The following ARMC9 variants were observed in gnomAD, a reference collection of about 807,000 sequenced individuals.
ARMC9 encodes armadillo repeat containing 9.
A neutral mutation model predicts 107.0 loss-of-function variants in ARMC9; 94 were observed. The ratio of observed to expected loss-of-function variants is 0.88; its 90% CI spans 0.74 to 1.04. The LOEUF (loss-of-function observed/expected upper bound fraction) is 1.04. Ranked by LOEUF, ARMC9 falls within the 50% of genes least tolerant of loss-of-function variation. ARMC9 has a pLI of 0.00. For synonymous variants in ARMC9, 380 were observed against 396.9 expected, an observed-to-expected ratio of 0.96 and a Z score of 0.51; for missense variants, 942 against 1,030.1, an observed-to-expected ratio of 0.91 and a Z score of 1.17.
chr2:231,324,189 G>T (rs2043169612), intron 19 of ARMC9, among the ~76,000 whole-genome samples: 1 of 136,810 alleles, frequency 7.3e-6, no homozygotes, highest in Non-Finnish European at 1.5e-5. Flanking sequence ...GTGCAGTGGT[G>T]CAATCTCGGC....
intron 9 of ARMC9, among the ~76,000 whole-genome samples, chr2:231,253,244 G>T (rs1456037602): frequency 6.6e-6 from 1 of 152,104 alleles, no homozygotes; most frequent in Non-Finnish European, 1.5e-5. Context: ...CTCCTGAGTA[G>T]CTGGGACTAC....
intron 19 of ARMC9, among the ~76,000 whole-genome samples, chr2:231,324,622 T>C (rs1211468253): frequency 6.6e-6 from 1 of 151,806 alleles, no homozygotes; most frequent in Non-Finnish European, 1.5e-5. Context: ...CGCCTGCCTA[T>C]AATCCCAGCT....
In ARMC9 at chr2:231,368,543, T is replaced by C. The variant is rs893866898; in HGVS notation, c.2262-1410T>C. ...CAGAGTGGTAACAGGAGCCTGTAAC[T>C]GTACCCACAAGTAAGCAACAATGTC... On this transcript the variant is annotated intron_variant, in intron 23 of 24. Transcript: ENST00000611582. Among the ~76,000 whole-genome samples, 7 of 152,340 alleles carry C rather than the reference T, an allele frequency of 4.6e-5. No homozygotes were observed. In the East Asian group the frequency reaches 1.3e-3, roughly 29 times the overall value.
intron 8 of ARMC9, among the ~76,000 whole-genome samples, chr2:231,239,323 A>G (rs2036065011): frequency 6.6e-6 from 1 of 152,212 alleles, no homozygotes. Context: ...ATGCTAAAGG[A>G]GAATGCAGGA....
intron 9 of ARMC9, among the ~76,000 whole-genome samples, chr2:231,248,806 CAAAAAAAAAAAAA>C (rs35234269): frequency 1.1e-4 from 4 of 38,026 alleles, no homozygotes; most frequent in Admixed American, 3.4e-4. Context: ...GGTTCTGTCT[CAAAAAAAAAAAAA>C]AAAAAAAAAA....
intron 3 of ARMC9, among the ~76,000 whole-genome samples, chr2:231,212,091 G>T (rs1213746745): frequency 6.6e-6 from 1 of 152,168 alleles, no homozygotes; most frequent in Non-Finnish European, 1.5e-5. Context: ...TCAAAAAATA[G>T]TGAGTTTCCC....
chr2:231,240,091 T>G (rs1361428671), intron 9 of ARMC9, 50 bp downstream of exon 9: 1 of 1,419,656 alleles, frequency 7.0e-7, no homozygotes, highest in Non-Finnish European at 9.8e-7. Flanking sequence ...CCCCCCAAAT[T>G]TAAAAAGAAT....
chr2:231,364,059 G>A (rs2045707681), intron 23 of ARMC9, among the ~76,000 whole-genome samples: 1 of 152,202 alleles, frequency 6.6e-6, no homozygotes, highest in Admixed American at 6.5e-5. Flanking sequence ...AGAAACAAAT[G>A]CATTTATCCT....
intron 7 of ARMC9, 140 bp downstream of exon 7, chr2:231,226,938 A>G (rs2034702485): frequency 1.1e-6 from 1 of 939,410 alleles, no homozygotes. Context: ...TTGCAGTCAT[A>G]GTGACCTGCA....
chr2:231,288,797 C>G (rs745316099), intron 17 of ARMC9: 3 of 460,240 alleles, frequency 6.5e-6, no homozygotes, highest in Non-Finnish European at 1.4e-5. Context: ...CCCTCTGCAC[C>G]TGTGCTGCAG....
intron 22 of ARMC9, 116 bp downstream of exon 22, chr2:231,356,050 A>C: frequency 1.3e-5 from 17 of 1,327,328 alleles, no homozygotes; most frequent in African/African-American, 1.5e-5. Context: ...CTCTGGTCTC[A>C]GCAACAGCCC....
At chr2:231,354,625 G>T (rs2045260706) in intron 21 of ARMC9, among the ~76,000 whole-genome samples, 1 of 152,090 alleles carries the variant, frequency 6.6e-6, no homozygotes, top group Admixed American at 6.6e-5. Flanking sequence ...CAAGTGATCT[G>T]CCCGCCTTGG....
chr2:231,254,159 T>TA (rs2037545378), intron 9 of ARMC9, among the ~76,000 whole-genome samples: 1 of 151,912 alleles, frequency 6.6e-6, no homozygotes, highest in African/African-American at 2.4e-5. Context: ...TCTCTAAATG[T>TA]AAAAAATAAA....
intron 19 of ARMC9, among the ~76,000 whole-genome samples, chr2:231,303,016 A>T (rs1409415351): frequency 6.6e-6 from 1 of 152,244 alleles, no homozygotes; most frequent in Non-Finnish European, 1.5e-5. Context: ...AAAAATAAAT[A>T]AATAAGTAAA....
At chr2:231,332,178 G>A (rs1559474691) in intron 20 of ARMC9, among the ~76,000 whole-genome samples, 1 of 152,194 alleles carries the variant, frequency 6.6e-6, no homozygotes, top group Non-Finnish European at 1.5e-5. Context: ...GGCCCCAGTA[G>A]CAATTGCCTA....
intron 6 of ARMC9, 120 bp from the exon 7 acceptor site, chr2:231,226,654 C>T (rs891390563): frequency 6.4e-5 from 78 of 1,227,914 alleles, no homozygotes; most frequent in African/African-American, 9.1e-5. Context: ...CTGGCCCTCC[C>T]GGCTCCGAGA....
chr2:231,315,761 G>A (rs953401745), intron 19 of ARMC9, among the ~76,000 whole-genome samples: 1 of 152,052 alleles, frequency 6.6e-6, no homozygotes, highest in Non-Finnish European at 1.5e-5. Flanking sequence ...ATACGGTTGG[G>A]TTTAATTCTG....
At chr2:231,304,489 T>G (rs926138396) in intron 19 of ARMC9, among the ~76,000 whole-genome samples, 1 of 152,210 alleles carries the variant, frequency 6.6e-6, no homozygotes, top group Admixed American at 6.5e-5. Flanking sequence ...CTCCGCCTCC[T>G]GGGTTCAAGT....
At position 231,358,635 on chromosome 2, in the gene ARMC9, C is replaced by T. The variant is rs577054640; in HGVS notation, c.2132-2119C>T. Among the ~76,000 whole-genome samples, 2 of 152,306 alleles carry T rather than the reference C, an allele frequency of 1.3e-5. No homozygotes were observed. Among genetic ancestry groups the T allele is most frequent in the Admixed American group, 6.5e-5 (1 of 15,308 alleles). ...GCCCCACCCAGAGACCCCGTGGAAA[C>T]CCCCACCTTCACGCTGAGTTTCTTG... On this transcript the variant is annotated intron_variant, in intron 22 of 24. Coordinates refer to ENST00000611582, the MANE Select transcript of ARMC9 (RefSeq NM_001352754.2). This position sits in a 1 kb window ranked among gnomAD's most constrained non-coding sequence, Gnocchi z 4.5.
Sources: gnomAD v4.1 joint callset for allele counts (sites outside exome capture counted in the v4.1 genomes callset) on GRCh38, gnomAD v4.1.1 for gene constraint, Gnocchi (gnomAD v3.1) non-coding constraint, MANE v1.5 for transcripts, NCBI Gene and HGNC (gene_info 2026-07-23, HGNC 2026-07-21) for gene names.